CNN2: variants seen among roughly 807,000 people sequenced by gnomAD.
CNN2 encodes calponin 2.
Under a neutral mutation model 31.0 loss-of-function variants are expected in CNN2, and 21 were observed. The observed-to-expected ratio is 0.68, with a 90% CI of 0.48 to 0.98. CNN2 has a LOEUF of 0.98. Among genes scored for constraint, CNN2 ranks in the 50% least tolerant of loss-of-function variants. The pLI, the probability that CNN2 is intolerant of heterozygous loss-of-function variation, is 0.00. For missense variants in CNN2, 399 were observed against 427.3 expected, an observed-to-expected ratio of 0.93 and a Z score of 0.58; for synonymous variants, 165 against 179.6, an observed-to-expected ratio of 0.92 and a Z score of 0.65.
chr19:1,031,539 G>C (rs545173640), intron 2 of CNN2, among the ~76,000 whole-genome samples: 3 of 133,290 alleles, frequency 2.3e-5, no homozygotes, highest in Non-Finnish European at 4.8e-5. Context: ...CACTCCAGCC[G>C]GGGTGACACA....
Position 1,037,969 on chromosome 19 carries a change from C to CAT in CNN2, c.*69_*70insAT. 8.4e-7 allele frequency: 1 copy of CAT among 1,192,960 alleles called. No homozygotes were observed. Among genetic ancestry groups the CAT allele is most frequent in the Non-Finnish European group, 1.1e-6 (1 of 881,072 alleles). The allele number at this position is 1,192,960 out of a possible 1,614,324, so 73.9% of individuals were successfully genotyped here. A position where few individuals can be genotyped will look rare whatever the true frequency, so the allele number is the denominator to read the frequency against. ...TTTTTGGGTTTTTCTGTGTTTTCAT[C>CAT]TTTTTTTTTTTTTTCTTAACCCGTT... On this transcript the variant is annotated 3_prime_UTR_variant, in exon 7 of 7. Transcript: ENST00000263097.
At chr19:1,029,617 G>T (rs1343657204) in intron 1 of CNN2, among the ~76,000 whole-genome samples, 1 of 152,182 alleles carries the variant, frequency 6.6e-6, no homozygotes, top group East Asian at 1.9e-4. Flanking sequence ...GGAAGCGGAG[G>T]CTGAGTGGGG....
intron 6 of CNN2, chr19:1,037,337 C>G: frequency 2.8e-6 from 1 of 358,682 alleles, no homozygotes; most frequent in East Asian, 5.3e-5. Flanking sequence ...GGGGTTTCAC[C>G]GTGTTGGCCA....
At position 1,032,622 on chromosome 19, in the gene CNN2, T is replaced by C; in HGVS notation, c.316T>C (p.Phe106Leu). ...CTACGGCATGAACCCTGTGGACCTG[T>C]TCGAGGCCAACGACCTGTTTGAGAG... ...VSYGMNPVDL[F>L]EANDLFESGN... The change falls in exon 4 of 7, where the codon TTC (phenylalanine) becomes CTC (leucine). Residue 106 changes from phenylalanine to leucine, a missense_variant. Transcript: ENST00000263097. 1 of 1,612,832 alleles carries C rather than the reference T, an allele frequency of 6.2e-7. No homozygotes were observed. Among genetic ancestry groups the C allele is most frequent in the Non-Finnish European group, 8.5e-7 (1 of 1,180,008 alleles).
chr19:1,030,591 A>G (rs886310461), intron 1 of CNN2, among the ~76,000 whole-genome samples: 1 of 152,114 alleles, frequency 6.6e-6, no homozygotes, highest in South Asian at 2.1e-4. Context: ...GCACCACTGC[A>G]CTCCAGCCTG....
rs545173640 is a variant in CNN2 at position 1,031,539 on chromosome 19, G to A, written c.185+347G>A. On this transcript the variant is annotated intron_variant, in intron 2 of 6. Transcript: ENST00000263097. ...GAGATCACACCATTGCACTCCAGCC[G>A]GGGTGACACAGCGAGACTCCATCTC... Among the ~76,000 whole-genome samples, 89 of 133,354 alleles carry A rather than the reference G, an allele frequency of 6.7e-4. 1 individual carries two copies. The highest frequency in any genetic ancestry group is 2.3e-3 in the African/African-American group (82 of 35,556). 87.5% of individuals were successfully genotyped at this position (133,354 alleles called of 152,430 possible). A position where few individuals can be genotyped will look rare whatever the true frequency, so the allele number is the denominator to read the frequency against.
chr19:1,031,480 G>A (rs186078321), intron 2 of CNN2, among the ~76,000 whole-genome samples: 18,593 of 143,396 alleles, frequency 0.13, 1,298 homozygotes, highest in African/African-American at 0.15. Context: ...AAGGAGAATT[G>A]CTTGAACCCG....
intron 2 of CNN2, among the ~76,000 whole-genome samples, chr19:1,031,746 C>A (rs1214428484): frequency 2.0e-5 from 3 of 149,964 alleles, no homozygotes; most frequent in Non-Finnish European, 4.4e-5. Context: ...TCCCGAGTAG[C>A]TGGGATTACA....
chr19:1,026,798 G>A, intron 1 of CNN2, 74 bp downstream of exon 1: 1 of 1,425,980 alleles, frequency 7.0e-7, no homozygotes, highest in Non-Finnish European at 9.4e-7. Flanking sequence ...GAGCCCCCAG[G>A]CGCCCCCGGC....
chr19:1,031,228 T>G, intron 2 of CNN2, 36 bp downstream of exon 2: 1 of 1,515,668 alleles, frequency 6.6e-7, no homozygotes, highest in Non-Finnish European at 8.9e-7. Context: ...GTCTCACACT[T>G]AACAAATCTT....
intron 6 of CNN2, 105 bp from the exon 7 acceptor site, chr19:1,037,520 C>G: frequency 7.0e-7 from 1 of 1,431,476 alleles, no homozygotes; most frequent in South Asian, 1.3e-5. Flanking sequence ...GATCCTCCCA[C>G]CTTGGCCTCC....
chr19:1,031,235 T>A (rs1475007472), intron 2 of CNN2, 43 bp downstream of exon 2: 1 of 1,501,718 alleles, frequency 6.7e-7, no homozygotes, highest in Non-Finnish European at 9.0e-7. Context: ...ACTTAACAAA[T>A]CTTGGTTTTT....
chr19:1,036,258 C>T lies in CNN2; in HGVS notation c.507+12C>T, dbSNP rs2039582195. 1 of 1,571,926 alleles carries T rather than the reference C, an allele frequency of 6.4e-7. No individual in the cohort carries two copies. The highest frequency in any genetic ancestry group is 8.6e-7 in the Non-Finnish European group (1 of 1,156,196). ...TCATCGGGCTGCAGGTGGGCGACAG[C>T]TCCCCCAGCCCCAGGGACCACGGCA... On this transcript the variant is annotated intron_variant, in intron 5 of 6. Transcript: ENST00000263097.
chr19:1,033,674 G>C lies in CNN2; in HGVS notation c.390+978G>C, dbSNP rs113920949. On this transcript the variant is annotated intron_variant, in intron 4 of 6. Coordinates refer to ENST00000263097, the MANE Select transcript of CNN2 (RefSeq NM_004368.4). Reference sequence around the variant, plus strand: ...TGGGACAGTGTCTGGTGTAGACCGGGAGCGTGGGTGGGACACGGTGTCTGG... The same window carrying C: ...TGGGACAGTGTCTGGTGTAGACCGGCAGCGTGGGTGGGACACGGTGTCTGG... 7.4e-3 allele frequency among the ~76,000 whole-genome samples: 973 copies of C among 131,878 alleles called. 18 individuals carry two copies. Among genetic ancestry groups the C allele is most frequent in the African/African-American group, 0.025 (891 of 35,170 alleles). The allele number at this position is 131,878 out of a possible 152,430, so 86.5% of individuals were successfully genotyped here.
chr19:1,032,234 CAAAAAAA>C (rs59436549), intron 2 of CNN2, among the ~76,000 whole-genome samples, 151 bp from the exon 3 acceptor site: 1 of 96,678 alleles, frequency 1.0e-5, no homozygotes, highest in African/African-American at 3.5e-5. Flanking sequence ...GACGCCGTCT[CAAAAAAA>C]AAAAAAAAAA....
chr19:1,037,670 A>C lies in CNN2; in HGVS notation c.700A>C (p.Lys234Gln). 1 of 1,611,338 alleles carries C rather than the reference A, an allele frequency of 6.2e-7. No homozygotes were observed. Among genetic ancestry groups the C allele is most frequent in the South Asian group, 1.1e-5 (1 of 90,996 alleles). ...PGTRRHIYDT[K>Q]LGTDKCDNSS... is the part of the protein sequence containing the mutation. ...GACCCGGCGGCACATCTATGATACC[A>C]AGCTGGGAACCGACAAGTGTGACAA... is the stretch of plus-strand genomic sequence containing the variant. Residue 234 changes from lysine to glutamine, a missense_variant, in exon 7 of 7, where the codon AAG (lysine) becomes CAG (glutamine). Transcript: ENST00000263097.
In CNN2 at chr19:1,032,621, G is replaced by C. The variant is rs550829941; in HGVS notation, c.315G>C (p.Leu105=). The change falls in exon 4 of 7, where the codon CTG becomes CTC. Residue 105 remains leucine, a synonymous_variant. Transcript: ENST00000263097. The stretch of plus-strand genomic sequence containing the variant: ...GCTACGGCATGAACCCTGTGGACCT[G>C]TTCGAGGCCAACGACCTGTTTGAGA... ...MVSYGMNPVD[L]FEANDLFESG... The C allele has an allele frequency of 6.2e-7, 1 of 1,612,878 alleles. No individual in the cohort carries two copies. The highest frequency in any genetic ancestry group is 8.5e-7 in the Non-Finnish European group (1 of 1,180,028).
At chr19:1,036,792 AT>A in intron 6 of CNN2, 2 of 619,544 alleles carry the variant, frequency 3.2e-6, no homozygotes, top group Non-Finnish European at 5.8e-6. Context: ...ACCCTGTGTC[AT>A]TTTCCCTTAA....
intron 1 of CNN2, among the ~76,000 whole-genome samples, chr19:1,029,759 G>A (rs1363982149): frequency 1.3e-5 from 2 of 151,670 alleles, no homozygotes; most frequent in African/African-American, 4.9e-5. Context: ...GAGTGAAGTG[G>A]CCCGATCTTG....
Sources: gnomAD v4.1 joint callset for allele counts (sites outside exome capture counted in the v4.1 genomes callset) on GRCh38, gnomAD v4.1.1 for gene constraint, MANE v1.5 for transcripts, NCBI Gene and HGNC (gene_info 2026-07-23, HGNC 2026-07-21) for gene names.